The following PCSK5 variants were observed in gnomAD, a reference collection of about 807,000 sequenced individuals.
PCSK5 encodes prohormone convertase 5.
In PCSK5, 129 loss-of-function variants were observed where a neutral mutation model predicts 233.2. The ratio of observed to expected loss-of-function variants is 0.55; its 90% CI spans 0.48 to 0.64. The LOEUF is 0.64. Ranked by LOEUF, PCSK5 falls within the 30% of genes least tolerant of loss-of-function variation. PCSK5 has a pLI of 0.00. For missense variants in PCSK5, 2,076 were observed against 2,430.1 expected (o/e 0.85, Z 3.06); for synonymous variants, 825 against 879.2 (o/e 0.94, Z 1.09).
At chr9:76,287,014 T>C (rs1828096592) in intron 24 of PCSK5, 1 of 177,468 alleles carries the variant, frequency 5.6e-6, no homozygotes, top group African/African-American at 2.4e-5. Flanking sequence ...TAGGTAGAGA[T>C]TATTTCTTAA....
At chr9:76,257,312 T>G (rs1428144518) in intron 24 of PCSK5, among the ~76,000 whole-genome samples, 1 of 151,994 alleles carries the variant, frequency 6.6e-6, no homozygotes, top group Non-Finnish European at 1.5e-5. Context: ...AAAAAAAAAT[T>G]GATTTAAGTC....
chr9:76,196,807 A>G (rs1345927523), intron 20 of PCSK5, among the ~76,000 whole-genome samples: 4 of 152,216 alleles, frequency 2.6e-5, no homozygotes, highest in Non-Finnish European at 5.9e-5. Context: ...CCATTTACAC[A>G]TGAGAAAACT....
chr9:76,139,298 A>T (rs367968477), intron 10 of PCSK5, among the ~76,000 whole-genome samples: 27 of 152,150 alleles, frequency 1.8e-4, no homozygotes, highest in Admixed American at 1.2e-3. Flanking sequence ...CTGATGTGTT[A>T]CCATTTGAAA....
intron 15 of PCSK5, among the ~76,000 whole-genome samples, chr9:76,180,516 G>A (rs1427070914): frequency 6.6e-6 from 1 of 152,044 alleles, no homozygotes; most frequent in African/African-American, 2.4e-5. Context: ...CCTGGTGTCT[G>A]CTTGAGCTGT....
intron 4 of PCSK5, 114 bp downstream of exon 4, chr9:76,023,995 A>G: frequency 1.2e-6 from 1 of 832,936 alleles, no homozygotes; most frequent in Non-Finnish European, 1.8e-6. Context: ...ACAATAGGGT[A>G]TTGTGTTTTG....
intron 12 of PCSK5, among the ~76,000 whole-genome samples, chr9:76,162,545 A>G (rs1206183168): frequency 2.0e-5 from 3 of 152,006 alleles, no homozygotes; most frequent in African/African-American, 4.8e-5. Flanking sequence ...GTGGTGGGGA[A>G]AAAAAATGAA....
chr9:76,253,874 G>A (rs2131348691), intron 24 of PCSK5, among the ~76,000 whole-genome samples: 1 of 152,278 alleles, frequency 6.6e-6, no homozygotes, highest in East Asian at 1.9e-4. Flanking sequence ...CACAAAGGAA[G>A]TAGTTGGCTT....
chr9:76,075,720 T>C (rs934404912), intron 7 of PCSK5, among the ~76,000 whole-genome samples: 3 of 152,200 alleles, frequency 2.0e-5, no homozygotes, highest in Non-Finnish European at 4.4e-5. Context: ...AATAAATGAC[T>C]GATAAAATAA....
intron 2 of PCSK5, among the ~76,000 whole-genome samples, chr9:75,946,392 G>C (rs10781317): frequency 6.6e-6 from 1 of 151,544 alleles, no homozygotes; most frequent in Non-Finnish European, 1.5e-5. Flanking sequence ...CCACTCCTCT[G>C]TGGGCTTATT....
chr9:76,045,191 C>T (rs1313392267), intron 5 of PCSK5, among the ~76,000 whole-genome samples: 2 of 152,158 alleles, frequency 1.3e-5, no homozygotes, highest in East Asian at 3.8e-4. Context: ...CACTAGAATA[C>T]AGTAATTATC....
chr9:76,074,205 A>G (rs1830568221), intron 7 of PCSK5, among the ~76,000 whole-genome samples: 1 of 152,210 alleles, frequency 6.6e-6, no homozygotes, highest in Non-Finnish European at 1.5e-5. Flanking sequence ...GCACATTACT[A>G]TTTGAACCTA....
At position 76,140,395 on chromosome 9, in the gene PCSK5, A is replaced by G. The variant is rs145076939; in HGVS notation, c.1312+6183A>G. 3.5e-4 allele frequency among the ~76,000 whole-genome samples: 53 copies of G among 152,216 alleles called. 1 individual carries two copies. The East Asian group carries it at 9.5e-3, about 27-fold the overall frequency. Reference sequence around the variant, plus strand: ...TGGTTTTTGAGGAATGTGGATAGCTAATACTAAACATAATGAGAAGAATGA... The same window carrying G: ...TGGTTTTTGAGGAATGTGGATAGCTGATACTAAACATAATGAGAAGAATGA... On this transcript the variant is annotated intron_variant, in intron 10 of 37. Coordinates refer to ENST00000674117, the MANE Select transcript of PCSK5 (RefSeq NM_001372043.1).
chr9:76,005,841 G>T (rs987184885), intron 3 of PCSK5, among the ~76,000 whole-genome samples: 1 of 151,944 alleles, frequency 6.6e-6, no homozygotes, highest in Non-Finnish European at 1.5e-5. Context: ...TCTGTTGTCA[G>T]TTTTTGAAAT....
intron 5 of PCSK5, among the ~76,000 whole-genome samples, chr9:76,053,427 C>T (rs937739082): frequency 2.0e-4 from 31 of 152,198 alleles, no homozygotes; most frequent in Admixed American, 1.3e-4. Context: ...AATTTCTCCC[C>T]GAAAATGGGT....
chr9:76,344,072 A>G (rs1450764860), intron 35 of PCSK5, among the ~76,000 whole-genome samples: 1 of 152,198 alleles, frequency 6.6e-6, no homozygotes, highest in Non-Finnish European at 1.5e-5. Context: ...TGAAAGTCCA[A>G]TGTTTATTTT....
intron 30 of PCSK5, among the ~76,000 whole-genome samples, chr9:76,317,543 C>T (rs1284353398): frequency 6.6e-6 from 1 of 152,204 alleles, no homozygotes; most frequent in Non-Finnish European, 1.5e-5. Context: ...CAGCGGATCC[C>T]TTCCTGGCTT....
chr9:76,303,901 G>A (rs898431190), intron 28 of PCSK5, among the ~76,000 whole-genome samples: 7 of 152,212 alleles, frequency 4.6e-5, no homozygotes, highest in African/African-American at 7.2e-5. Flanking sequence ...GCTGGCTGCA[G>A]TGGCTCACAC....
chr9:75,992,755 A>C (rs949502971), intron 3 of PCSK5, among the ~76,000 whole-genome samples: 1 of 152,178 alleles, frequency 6.6e-6, no homozygotes, highest in Admixed American at 6.5e-5. Flanking sequence ...TGGCCTATTT[A>C]ATATGCATTA....
chr9:76,090,021 A>G (rs1298196769), intron 7 of PCSK5, among the ~76,000 whole-genome samples: 1 of 152,234 alleles, frequency 6.6e-6, no homozygotes, highest in Non-Finnish European at 1.5e-5. Flanking sequence ...ATTCCACAAT[A>G]TATTTTGCCT....
Sources: gnomAD v4.1 joint callset for allele counts (sites outside exome capture counted in the v4.1 genomes callset) on GRCh38, gnomAD v4.1.1 for gene constraint, MANE v1.5 for transcripts, NCBI Gene and HGNC (gene_info 2026-07-23, HGNC 2026-07-21) for gene names.